Variants in SCAI observed in about 807,000 individuals in gnomAD.
SCAI encodes protein SCAI.
SCAI carries 24 observed loss-of-function variants against 92.2 expected under a neutral mutation model. The observed-to-expected ratio is 0.26, with a 90% CI of 0.19 to 0.37. The LOEUF (loss-of-function observed/expected upper bound fraction) is 0.37, where lower values mean the gene tolerates loss of function less well. Ranked by LOEUF, SCAI falls within the 10% of genes least tolerant of loss-of-function variation. SCAI has a pLI of 1.00. For missense variants in SCAI, 450 were observed against 736.2 expected (o/e 0.61, Z 4.50); for synonymous variants, 261 against 258.6 (o/e 1.01, Z -0.09).
intron 3 of SCAI, among the ~76,000 whole-genome samples, chr9:125,055,590 G>A (rs1376933667): frequency 6.6e-6 from 1 of 152,140 alleles, no homozygotes; most frequent in Non-Finnish European, 1.5e-5. Context: ...ACACCCTAAT[G>A]TGCAAAACCA....
intron 14 of SCAI, among the ~76,000 whole-genome samples, chr9:124,978,690 T>C (rs1473190732): frequency 6.6e-6 from 1 of 152,168 alleles, no homozygotes; most frequent in Non-Finnish European, 1.5e-5. Context: ...AGTATTAAAT[T>C]ATTCCTTGAA....
chr9:125,126,959 C>T (rs1437262681), intron 2 of SCAI, among the ~76,000 whole-genome samples: 2 of 152,002 alleles, frequency 1.3e-5, no homozygotes, highest in Admixed American at 1.3e-4. Context: ...AATATGAACT[C>T]CTTGAGGAGA....
chr9:125,006,058 T>C (rs1187893983), intron 9 of SCAI, among the ~76,000 whole-genome samples: 1 of 152,182 alleles, frequency 6.6e-6, no homozygotes, highest in African/African-American at 2.4e-5. Context: ...GAAAAAGCAA[T>C]GCAGATCTTC....
At chr9:125,069,481 C>T (rs887412195) in intron 2 of SCAI, among the ~76,000 whole-genome samples, 2 of 150,994 alleles carry the variant, frequency 1.3e-5, no homozygotes, top group Non-Finnish European at 3.0e-5. Context: ...CCACGCCCGG[C>T]TAATATTTTT....
In SCAI at chr9:125,009,085, T is replaced by C. The variant is rs115162524; in HGVS notation, c.862-5515A>G. Among the ~76,000 whole-genome samples the C allele has an allele frequency of 1.2e-3, 182 of 151,946 alleles. 2 individuals are homozygous for C. Among genetic ancestry groups the C allele is most frequent in the African/African-American group, 4.2e-3 (173 of 41,430 alleles). ...CTGAAAAAAAATTATCAAACTCAAG[T>C]TGGAGATGTGCAATATACTGTCAGT... On this transcript the variant is annotated intron_variant, in intron 9 of 17. Coordinates refer to ENST00000336505, the MANE Select transcript of SCAI (RefSeq NM_001144877.3).
In SCAI at chr9:124,976,146, A is replaced by T; in HGVS notation, c.1367T>A (p.Leu456His). The change falls in exon 15 of 18, where the codon CTT (leucine) becomes CAT (histidine). Residue 456 changes from leucine (L) to histidine (H), a missense_variant. Transcript: ENST00000336505. ...NLFGQPLVCL[L>H]SPTAYPKALQ... ...AGCTTTTGGATATGCTGTAGGAGAA[A>T]GCAAGCAGACTAGTGGCTGTCCAAA... 1 of 1,612,906 alleles carries T rather than the reference A, an allele frequency of 6.2e-7. No individual in the cohort carries two copies. Among genetic ancestry groups the T allele is most frequent in the Non-Finnish European group, 8.5e-7 (1 of 1,178,868 alleles).
intron 3 of SCAI, among the ~76,000 whole-genome samples, chr9:125,042,938 T>C (rs1243512685): frequency 7.6e-6 from 1 of 132,026 alleles, no homozygotes; most frequent in African/African-American, 2.8e-5. Flanking sequence ...TGATCTTGGC[T>C]CACTGCAACC....
chr9:125,143,121 C>T (rs900703412), intron 1 of SCAI, among the ~76,000 whole-genome samples: 10 of 151,398 alleles, frequency 6.6e-5, no homozygotes, highest in African/African-American at 2.4e-4. Flanking sequence ...GGGGCGCGCC[C>T]GCCTTGCCCC....
rs2131555558 is a variant in SCAI, at chr9:124,942,650, A to C, written c.*10157T>G. On this transcript the variant is annotated 3_prime_UTR_variant, in exon 18 of 18. Transcript: ENST00000336505. ...TATTTTTATATTGATGATACACTTA[A>C]TATATATGTGGATTCAAGGTACAAA... 1 of 151,832 alleles carries C rather than the reference A, an allele frequency of 6.6e-6. No individual in the cohort carries two copies. The highest frequency in any genetic ancestry group is 1.9e-4 in the East Asian group (1 of 5,190). The allele number at this position is 151,832 out of a possible 1,614,324, so 9.4% of individuals were successfully genotyped here. A position where few individuals can be genotyped will look rare whatever the true frequency, so the allele number is the denominator to read the frequency against.
chr9:125,143,142 G>A (rs1435244625), intron 1 of SCAI, among the ~76,000 whole-genome samples: 6 of 105,732 alleles, frequency 5.7e-5, no homozygotes, highest in Admixed American at 1.0e-4. Flanking sequence ...TCCCGGCCCC[G>A]CGCCGCCAGC....
chr9:125,104,328 T>C (rs1220326430), intron 2 of SCAI, among the ~76,000 whole-genome samples: 1 of 152,056 alleles, frequency 6.6e-6, no homozygotes, highest in African/African-American at 2.4e-5. Context: ...AGGTACCTAG[T>C]TTTTAAAAGT....
chr9:125,054,917 A>G lies in SCAI; in HGVS notation c.230+959T>C, dbSNP rs142809648. Among the ~76,000 whole-genome samples the G allele has an allele frequency of 2.1e-4, 32 of 152,344 alleles. No individual in the cohort carries two copies. In the East Asian group the frequency reaches 5.8e-3, roughly 28 times the overall value. On this transcript the variant is annotated intron_variant, in intron 3 of 17. Transcript: ENST00000336505. ...TTAATGCGGGAGAGACATAATAAGC[A>G]AGTAAATAATATTAAGAGTGGTGAG...
chr9:125,044,042 C>T (rs1259251733), intron 3 of SCAI, among the ~76,000 whole-genome samples: 1 of 152,150 alleles, frequency 6.6e-6, no homozygotes, highest in African/African-American at 2.4e-5. Context: ...CCTGGCCTCT[C>T]CCAGCTCCTG....
intron 3 of SCAI, among the ~76,000 whole-genome samples, chr9:125,054,622 G>C (rs767427872): frequency 4.0e-5 from 6 of 151,818 alleles, no homozygotes; most frequent in East Asian, 1.9e-4. Context: ...TAAACCCCAG[G>C]CATACCAAGG....
At position 124,968,192 on chromosome 9, in the gene SCAI, TGAAAAACAAAAAAC is replaced by T. The variant is rs1195764521; in HGVS notation, c.1674+3164_1674+3177del. On this transcript the variant is annotated intron_variant, in intron 17 of 17. Transcript: ENST00000336505. ...CAGAGCTGTTCCTCAAAAGCAGGAA[TGAAAAACAAAAAAC>T]GAAAAACAAAAAAACAGACCTCAGC... 8.8e-6 allele frequency: 6 copies of T among 685,048 alleles called. No homozygotes were observed. In the Admixed American group the frequency reaches 1.4e-4, roughly 16 times the overall value. The allele number at this position is 685,048 out of a possible 1,614,324, so 42.4% of individuals were successfully genotyped here. A position where few individuals can be genotyped will look rare whatever the true frequency, so the allele number is the denominator to read the frequency against.
intron 3 of SCAI, among the ~76,000 whole-genome samples, chr9:125,050,315 A>G (rs1266319228): frequency 6.6e-6 from 1 of 152,210 alleles, no homozygotes. Context: ...AAAAAACCTT[A>G]TAATTATTCC....
chr9:124,963,686 G>T (rs1433223733), intron 17 of SCAI, among the ~76,000 whole-genome samples: 3 of 135,338 alleles, frequency 2.2e-5, no homozygotes, highest in Non-Finnish European at 4.6e-5. Context: ...GGAGGTGCAG[G>T]TTGCAGTGAG....
chr9:125,018,255 TG>T (rs1174075310), intron 9 of SCAI, among the ~76,000 whole-genome samples: 1 of 151,746 alleles, frequency 6.6e-6, no homozygotes, highest in African/African-American at 2.4e-5. Flanking sequence ...CCACCATGGC[TG>T]GCTAATTTTT....
intron 9 of SCAI, among the ~76,000 whole-genome samples, chr9:125,009,993 G>C (rs970913651): frequency 6.6e-6 from 1 of 152,198 alleles, no homozygotes; most frequent in African/African-American, 2.4e-5. Context: ...AGGAGACCAA[G>C]ACCATTCTGG....
Sources: gnomAD v4.1 joint callset for allele counts (sites outside exome capture counted in the v4.1 genomes callset) on GRCh38, gnomAD v4.1.1 for gene constraint, MANE v1.5 for transcripts, NCBI Gene and HGNC (gene_info 2026-07-23, HGNC 2026-07-21) for gene names.